Variants in HAUS6 observed in about 807,000 individuals in gnomAD.
The protein encoded by HAUS6 is HAUS augmin-like complex subunit 6.
A neutral mutation model predicts 106.8 loss-of-function variants in HAUS6; 80 were observed. The observed-to-expected ratio is 0.75, with a 90% CI of 0.63 to 0.90. HAUS6 has a LOEUF of 0.90. Ranked by LOEUF, HAUS6 falls within the 40% of genes least tolerant of loss-of-function variation. The probability of loss-of-function intolerance (pLI) is 0.00; values close to 1 mark genes in which losing one functional copy is unlikely to be tolerated. For missense variants in HAUS6, 1,155 were observed against 1,118.1 expected, an observed-to-expected ratio of 1.03 and a Z score of -0.47; for synonymous variants, 356 against 379.1, an observed-to-expected ratio of 0.94 and a Z score of 0.71.
At chr9:19,090,450 C>CCT (rs1564019413) in intron 4 of HAUS6, among the ~76,000 whole-genome samples, 1 of 152,040 alleles carries the variant, frequency 6.6e-6, no homozygotes, top group Non-Finnish European at 1.5e-5. Context: ...CTGCAACCTC[C>CCT]GCCTCCAGGG....
chr9:19,098,918 A>G (rs1489802039), intron 1 of HAUS6, among the ~76,000 whole-genome samples: 2 of 149,430 alleles, frequency 1.3e-5, no homozygotes, highest in African/African-American at 5.0e-5. Context: ...GCTACTCCAG[A>G]GGCTGAGGCA....
chr9:19,058,371 A>T lies in HAUS6; in HGVS notation c.2396T>A (p.Phe799Tyr). ...FNSSSSSEAN[F>Y]KLEPNSPMHG... ...CATAGGACTATTTGGCTCCAGTTTA[A>T]AATTGGCCTCTGAACTACTGGAACT... is the stretch of plus-strand genomic sequence containing the variant. Residue 799 changes from phenylalanine to tyrosine, a missense_variant, in exon 16 of 17, where the codon TTT (phenylalanine) becomes TAT (tyrosine). By Grantham distance (22) the Phe-to-Tyr change is conservative. This residue lies in a region of HAUS6 where 380 missense variants were observed against 394.8 expected (regional missense o/e 0.96). Transcript: ENST00000380502. The T allele has an allele frequency of 7.4e-6, 12 of 1,613,900 alleles. No individual in the cohort carries two copies. Among genetic ancestry groups the T allele is most frequent in the Non-Finnish European group, 1.0e-5 (12 of 1,179,844 alleles).
At position 19,080,056 on chromosome 9, in the gene HAUS6, C is replaced by T. The variant is rs141905873; in HGVS notation, c.1064+423G>A. ...AGGCGTGGTGGCACATGCCTGTAAT[C>T]GCAGCTACTCAAGAGGCTGAGGCAG... On this transcript the variant is annotated intron_variant, in intron 9 of 16. Coordinates refer to ENST00000380502, the MANE Select transcript of HAUS6 (RefSeq NM_017645.5). Among the ~76,000 whole-genome samples the T allele has an allele frequency of 3.1e-3, 466 of 151,328 alleles. 3 individuals carry two copies. Among genetic ancestry groups the T allele is most frequent in the African/African-American group, 0.011 (446 of 41,218 alleles).
At chr9:19,056,626 G>A (rs1395391656) in intron 16 of HAUS6, 2 of 421,496 alleles carry the variant, frequency 4.7e-6, no homozygotes, top group Admixed American at 3.8e-5. Flanking sequence ...TCTGCGACAG[G>A]GTCTTGCTCT....
intron 11 of HAUS6, among the ~76,000 whole-genome samples, chr9:19,071,880 C>G (rs1404007070): frequency 2.0e-5 from 3 of 151,920 alleles, no homozygotes; most frequent in African/African-American, 7.2e-5. Flanking sequence ...AAAGAAAAAC[C>G]TTAAAAGCAA....
chr9:19,064,030 C>T (rs1020305556), intron 12 of HAUS6, among the ~76,000 whole-genome samples: 7 of 150,114 alleles, frequency 4.7e-5, no homozygotes, highest in South Asian at 2.1e-4. Flanking sequence ...TGCAATGGCG[C>T]GATCTTGGCT....
chr9:19,060,604 C>T (rs1010773107), intron 14 of HAUS6, among the ~76,000 whole-genome samples: 11 of 152,202 alleles, frequency 7.2e-5, no homozygotes, highest in Non-Finnish European at 4.4e-5. Context: ...AGGAAGCAGA[C>T]TCTTCTCAAT....
At chr9:19,100,424 G>T (rs1817963569) in intron 1 of HAUS6, among the ~76,000 whole-genome samples, 1 of 152,186 alleles carries the variant, frequency 6.6e-6, no homozygotes, top group African/African-American at 2.4e-5. Context: ...ATTTAAAGTG[G>T]ACATGTGTTA....
intron 12 of HAUS6, among the ~76,000 whole-genome samples, chr9:19,066,338 T>A (rs1229378571): frequency 3.3e-5 from 5 of 152,112 alleles, no homozygotes; most frequent in Non-Finnish European, 7.4e-5. Flanking sequence ...ACCAATTATT[T>A]CTCATTTTTA....
chr9:19,092,809 C>G lies in HAUS6; in HGVS notation c.436+362G>C, dbSNP rs1237807337. Among the ~76,000 whole-genome samples, 3 of 150,588 alleles carry G rather than the reference C, an allele frequency of 2.0e-5. No homozygotes were observed. The Admixed American group carries it at 2.0e-4, about 10-fold the overall frequency. On this transcript the variant is annotated intron_variant, in intron 4 of 16. Coordinates refer to ENST00000380502, the MANE Select transcript of HAUS6 (RefSeq NM_017645.5). ...TCATGGTGGCAGACACCTGTAATCC[C>G]AGCTACTCAGGAGGCTGAGGCAGGA...
chr9:19,059,396 A>C (rs1836557512), intron 15 of HAUS6, among the ~76,000 whole-genome samples: 1 of 152,232 alleles, frequency 6.6e-6, no homozygotes, highest in Non-Finnish European at 1.5e-5. Context: ...CCATGATAGC[A>C]TGAAAGTAGC....
chr9:19,072,068 T>C (rs999874633), intron 11 of HAUS6, among the ~76,000 whole-genome samples: 1 of 151,630 alleles, frequency 6.6e-6, no homozygotes, highest in East Asian at 2.0e-4. Context: ...CACATGCCTG[T>C]AATCCCAGCT....
rs182748605 is a variant in HAUS6, at chr9:19,080,569, G to C, written c.974C>G (p.Ala325Gly). 2.0e-4 allele frequency: 320 copies of C among 1,599,238 alleles called. 2 individuals are homozygous for C. The Admixed American group carries it at 5.2e-3, about 26-fold the overall frequency. ...GTCTACCGTCAATCTTGCTTGATCA[G>C]CCTGACAACGTTCATATTTCATCAC... is the stretch of plus-strand genomic sequence containing the variant. ...LKVMKYERCQADQARLTVDLH... is the reference protein window; with the variant it reads ...LKVMKYERCQGDQARLTVDLH... Residue 325 changes from alanine to glycine, a missense_variant, in exon 9 of 17, where the codon GCT becomes GGT. Ala to Gly is a moderately conservative substitution (Grantham distance 60). Around this residue, in one of 3 missense-constraint regions of HAUS6, gnomAD observed 761 missense variants for 690.0 expected, o/e 1.10. Transcript: ENST00000380502.
chr9:19,098,700 T>C (rs917750393), intron 1 of HAUS6, among the ~76,000 whole-genome samples: 5 of 148,880 alleles, frequency 3.4e-5, no homozygotes, highest in East Asian at 3.9e-4. Context: ...TTGGAATGGA[T>C]TGTTGAGTCA....
At chr9:19,061,087 C>G (rs984423933) in intron 14 of HAUS6, among the ~76,000 whole-genome samples, 2 of 152,208 alleles carry the variant, frequency 1.3e-5, no homozygotes, top group African/African-American at 4.8e-5. Context: ...TCGCTTGAAC[C>G]CGGGAGGCGG....
chr9:19,098,107 A>G (rs1564023003), intron 1 of HAUS6, among the ~76,000 whole-genome samples: 1 of 152,148 alleles, frequency 6.6e-6, no homozygotes, highest in Non-Finnish European at 1.5e-5. Flanking sequence ...GTAATTTGTA[A>G]TAAGATATTT....
chr9:19,059,035 C>A, intron 15 of HAUS6, 34 bp from the exon 16 acceptor site: 2 of 1,114,770 alleles, frequency 1.8e-6, no homozygotes, highest in Non-Finnish European at 1.3e-6. Flanking sequence ...AGTTTACTAA[C>A]ATTCCCAAAC....
chr9:19,101,169 G>A (rs1437392592), intron 1 of HAUS6, among the ~76,000 whole-genome samples: 2 of 152,174 alleles, frequency 1.3e-5, no homozygotes, highest in Admixed American at 1.3e-4. Context: ...CTTATACATT[G>A]TATAAGTGTA....
intron 7 of HAUS6, among the ~76,000 whole-genome samples, chr9:19,086,322 G>A (rs10124438): frequency 0.18 from 24,803 of 137,690 alleles, 2,766 homozygotes; most frequent in African/African-American, 0.35. Flanking sequence ...GGGGAGGGGA[G>A]GGGGAAGGGG....
Sources: allele counts gnomAD v4.1 joint callset (sites outside exome capture counted in the v4.1 genomes callset), GRCh38; gene constraint gnomAD v4.1.1; regional missense constraint gnomAD v4.1.1; transcripts MANE v1.5; gene names NCBI Gene and HGNC (gene_info 2026-07-23, HGNC 2026-07-21).